The following CDCA5 variants were observed in gnomAD, a reference collection of about 807,000 sequenced individuals.
CDCA5 encodes sororin.
In CDCA5, 14 loss-of-function variants were observed where a neutral mutation model predicts 25.7. The observed-to-expected ratio is 0.54, with a 90% CI of 0.36 to 0.85. The LOEUF is 0.85. Among genes scored for constraint, CDCA5 ranks in the 40% least tolerant of loss-of-function variants. The pLI, the probability that CDCA5 is intolerant of heterozygous loss-of-function variation, is 0.01. For synonymous variants in CDCA5, 127 were observed against 128.7 expected (o/e 0.99, Z 0.09); for missense variants, 307 against 324.5 (o/e 0.95, Z 0.41).
intron 1 of CDCA5, chr11:65,068,702 G>T (rs1947287992): frequency 3.5e-6 from 2 of 572,100 alleles, no homozygotes; most frequent in African/African-American, 1.9e-5. Flanking sequence ...AGCCTGGCGA[G>T]CGTCTATCAC....
At chr11:65,083,805 G>A in intron 1 of CDCA5, 82 bp from the exon 2 acceptor site, 1 of 1,576,832 alleles carries the variant, frequency 6.3e-7, no homozygotes, top group Non-Finnish European at 8.7e-7. Flanking sequence ...ACAGCGAGAA[G>A]ATTCCCAAAC....
Position 65,078,946 on chromosome 11 carries a change from T to C in CDCA5, c.*161A>G. On this transcript the variant is annotated 3_prime_UTR_variant, in exon 6 of 6. Coordinates refer to ENST00000275517, the MANE Select transcript of CDCA5 (RefSeq NM_080668.4). ...TTCCTAAAACCAAGATGGCTGCCGC[T>C]GCTGCCCAAGCCCTCAAAGGCAGAC... 7.9e-7 allele frequency: 1 copy of C among 1,260,342 alleles called. No homozygotes were observed. The highest frequency in any genetic ancestry group is 1.0e-6 in the Non-Finnish European group (1 of 1,004,416). 78.1% of individuals were successfully genotyped at this position (1,260,342 alleles called of 1,614,324 possible).
At chr11:65,063,311 CTCT>C (rs1565260514), downstream of CDCA5, among the ~76,000 whole-genome samples, 1 of 152,198 alleles carries the variant, frequency 6.6e-6, no homozygotes, top group African/African-American at 2.4e-5. Flanking sequence ...TCTGGCCACC[CTCT>C]TGGGCAGGAA....
downstream of CDCA5, among the ~76,000 whole-genome samples, chr11:65,064,417 C>CAAAAAAAAA (rs11318233): frequency 1.2e-5 from 1 of 86,342 alleles, no homozygotes; most frequent in Non-Finnish European, 2.3e-5. Flanking sequence ...GACTCTGTCG[C>CAAAAAAAAA]AAAAAAAAAA....
intron 4 of CDCA5, among the ~76,000 whole-genome samples, chr11:65,081,921 C>T (rs1297212761): frequency 6.6e-6 from 1 of 152,204 alleles, no homozygotes; most frequent in Admixed American, 6.5e-5. Context: ...CTCGCCACTG[C>T]ACTCCAGCCT....
At chr11:65,068,763 A>C (rs567434872) in intron 1 of CDCA5, among the ~76,000 whole-genome samples, 4 of 152,390 alleles carry the variant, frequency 2.6e-5, no homozygotes, top group Admixed American at 2.0e-4. Context: ...TGCCAGATTT[A>C]GTAAATACAA....
At chr11:65,082,416 C>T (rs1364762228) in intron 4 of CDCA5, among the ~76,000 whole-genome samples, 1 of 150,920 alleles carries the variant, frequency 6.6e-6, no homozygotes, top group Non-Finnish European at 1.5e-5. Context: ...AATTCCCAAT[C>T]TCTGCAAACA....
chr11:65,063,004 T>C (rs932434106), downstream of CDCA5, among the ~76,000 whole-genome samples: 9 of 152,236 alleles, frequency 5.9e-5, no homozygotes, highest in African/African-American at 2.2e-4. Context: ...TATTTGTAGA[T>C]TGGAGGCAAA....
downstream of CDCA5, among the ~76,000 whole-genome samples, chr11:65,074,572 T>C (rs1440206913): frequency 6.6e-6 from 1 of 151,726 alleles, no homozygotes; most frequent in African/African-American, 2.4e-5. Flanking sequence ...AGGTGTGAAA[T>C]TGTATTAAAA....
rs1947481356 is a variant in CDCA5, at chr11:65,078,060, T to C, written c.*1047A>G. ...CAGGCAGTGTTCTCATGTGAGAGGA[T>C]AGGGAGGCCAAAAACTAAAATTGCT... On this transcript the variant is annotated 3_prime_UTR_variant, in exon 6 of 6. Coordinates refer to ENST00000275517, the MANE Select transcript of CDCA5 (RefSeq NM_080668.4). The C allele has an allele frequency of 3.0e-6, 3 of 985,230 alleles. No individual in the cohort carries two copies. Among genetic ancestry groups the C allele is most frequent in the Non-Finnish European group, 3.6e-6 (3 of 829,924 alleles). 61.0% of individuals were successfully genotyped at this position (985,230 alleles called of 1,614,324 possible). A position where few individuals can be genotyped will look rare whatever the true frequency, so the allele number is the denominator to read the frequency against.
intron 5 of CDCA5, 57 bp downstream of exon 5, chr11:65,079,296 C>T (rs1947508916): frequency 6.2e-7 from 1 of 1,612,776 alleles, no homozygotes; most frequent in South Asian, 1.1e-5. Context: ...GCCAGAGCCC[C>T]AGCCCTGCAC....
intron 4 of CDCA5, 144 bp from the exon 5 acceptor site, chr11:65,079,931 C>T: frequency 1.7e-6 from 1 of 578,164 alleles, no homozygotes; most frequent in African/African-American, 1.9e-5. Flanking sequence ...TGCTCTCTCG[C>T]CCAGGCTGGA....
At chr11:65,073,341 T>G (rs1947377397), downstream of CDCA5, among the ~76,000 whole-genome samples, 1 of 152,190 alleles carries the variant, frequency 6.6e-6, no homozygotes, top group Admixed American at 6.5e-5. Flanking sequence ...ATTATTATCA[T>G]TTGCCTGGGA....
downstream of CDCA5, among the ~76,000 whole-genome samples, chr11:65,064,512 C>G (rs116114619): frequency 4.2e-3 from 634 of 151,470 alleles, 1 homozygote; most frequent in African/African-American, 0.014. Flanking sequence ...ATCTTATTGA[C>G]AGAAGTCCTT....
At chr11:65,066,735 A>C in intron 5 of CDCA5, 1 of 1,286,346 alleles carries the variant, frequency 7.8e-7, no homozygotes, top group Non-Finnish European at 1.0e-6. Context: ...GGACAACCCG[A>C]AGCCCCTCTA....
Position 65,077,699 on chromosome 11 carries a change from G to A in CDCA5, c.*1408C>T, listed in dbSNP as rs1947473838. The A allele has an allele frequency of 1.0e-6, 1 of 985,518 alleles. No homozygotes were observed. The highest frequency in any genetic ancestry group is 1.2e-6 in the Non-Finnish European group (1 of 829,994). 61.0% of individuals were successfully genotyped at this position (985,518 alleles called of 1,614,324 possible). On this transcript the variant is annotated 3_prime_UTR_variant, in exon 6 of 6. Transcript: ENST00000275517. ...GACACCTAGGCTTCCCCAGCAGGGG[G>A]CTTGCTTGCAGGTCTGACAAACCAC...
At position 65,071,911 on chromosome 11, in the gene CDCA5, CA is replaced by C. The variant is rs201403299; in HGVS notation, c.64-3311del. ...CCTGCTCTGCTGCTCATAGGTGGGG[CA>C]GCTGCAGGAAATCGGGCTCAGCCTC... On this transcript the variant is annotated intron_variant, in intron 1 of 6. Coordinates refer to the CDCA5 transcript ENST00000525464. 6.5e-3 allele frequency among the ~76,000 whole-genome samples: 989 copies of C among 152,266 alleles called. 3 individuals carry two copies. The highest frequency in any genetic ancestry group is 0.011 in the Admixed American group (168 of 15,282).
chr11:65,068,498 C>T (rs578133070), exon 2 of CDCA5: 45 of 1,289,000 alleles, frequency 3.5e-5, no homozygotes, highest in South Asian at 1.9e-4. Context: ...CTCCAAGTTC[C>T]GCTCCTCGGA....
downstream of CDCA5, among the ~76,000 whole-genome samples, chr11:65,063,734 T>G (rs189315759): frequency 1.3e-5 from 2 of 152,350 alleles, no homozygotes; most frequent in African/African-American, 4.8e-5. Context: ...AGTGCCTTGA[T>G]GACAGAGGCC....
Sources: gnomAD v4.1 joint callset for allele counts (sites outside exome capture counted in the v4.1 genomes callset) on GRCh38, gnomAD v4.1.1 for gene constraint, MANE v1.5 for transcripts, NCBI Gene and HGNC (gene_info 2026-07-23, HGNC 2026-07-21) for gene names.